Variants in SVOP observed in about 807,000 individuals in gnomAD.
The protein encoded by SVOP is synaptic vesicle 2-related protein.
In SVOP, 17 loss-of-function variants were observed where a neutral mutation model predicts 69.1. The ratio of observed to expected loss-of-function variants is 0.25; its 90% CI spans 0.17 to 0.37. SVOP has a LOEUF of 0.37. SVOP is among the 10% of genes least tolerant of loss of function. SVOP has a pLI of 1.00. For missense variants in SVOP, 435 were observed against 597.5 expected, an observed-to-expected ratio of 0.73 and a Z score of 2.84; for synonymous variants, 238 against 238.6, an observed-to-expected ratio of 1.00 and a Z score of 0.02.
intron 10 of SVOP, among the ~76,000 whole-genome samples, chr12:108,935,180 G>A (rs762747771): frequency 2.6e-5 from 4 of 152,150 alleles, no homozygotes; most frequent in South Asian, 2.1e-4. Flanking sequence ...GGTCAATTGC[G>A]TCAACTTGGA....
Position 109,020,214 on chromosome 12 carries a change from TTC to T in SVOP, c.35+618_35+619del, listed in dbSNP as rs1334150198. On this transcript the variant is annotated intron_variant, in intron 1 of 15. Transcript: ENST00000610966. Reference sequence around the variant, plus strand: ...TCCTCAAAGCAGTATATTCCTGATGTTCCGACAGTGAGTCTCACTCTAGCTAG... The same window carrying T: ...TCCTCAAAGCAGTATATTCCTGATGTCGACAGTGAGTCTCACTCTAGCTAG... Among the ~76,000 whole-genome samples the T allele has an allele frequency of 1.5e-3, 234 of 152,302 alleles. 1 individual carries two copies. Among genetic ancestry groups the T allele is most frequent in the African/African-American group, 5.3e-3 (222 of 41,576 alleles).
chr12:108,964,045 G>A (rs895198696), intron 5 of SVOP, among the ~76,000 whole-genome samples: 5 of 152,016 alleles, frequency 3.3e-5, no homozygotes, highest in Admixed American at 6.6e-5. Flanking sequence ...TTTTTAAAAA[G>A]CAATTTGATA....
chr12:108,974,314 T>A (rs182788634), intron 4 of SVOP, among the ~76,000 whole-genome samples: 1 of 152,220 alleles, frequency 6.6e-6, no homozygotes, highest in Non-Finnish European at 1.5e-5. Context: ...TTGCTTATGA[T>A]TAACAATTAT....
chr12:108,996,444 G>C (rs768286806), intron 1 of SVOP, among the ~76,000 whole-genome samples: 5 of 152,094 alleles, frequency 3.3e-5, no homozygotes, highest in Admixed American at 6.6e-5. Context: ...TGTAATCCCA[G>C]CTATTCAGGA....
intron 1 of SVOP, among the ~76,000 whole-genome samples, chr12:108,987,602 A>G (rs2040173010): frequency 6.6e-6 from 1 of 152,160 alleles, no homozygotes; most frequent in Admixed American, 6.5e-5. Flanking sequence ...CCTTGCCAAT[A>G]CTTGTTATTT....
intron 1 of SVOP, among the ~76,000 whole-genome samples, chr12:109,008,031 C>T (rs2040318772): frequency 8.5e-6 from 1 of 117,156 alleles, no homozygotes; most frequent in Non-Finnish European, 2.1e-5. Context: ...GAGTGAGACC[C>T]TGTCTCAAAA....
intron 14 of SVOP, among the ~76,000 whole-genome samples, chr12:108,917,026 C>T (rs547494452): frequency 6.6e-6 from 1 of 152,338 alleles, no homozygotes; most frequent in South Asian, 2.1e-4. Context: ...GGTTTACAGG[C>T]GTGAACCACT....
At chr12:108,965,551 C>T (rs1302551755) in intron 5 of SVOP, among the ~76,000 whole-genome samples, 2 of 152,252 alleles carry the variant, frequency 1.3e-5, no homozygotes, top group East Asian at 1.9e-4. Context: ...TTCCAAAAAA[C>T]ACATAACTTT....
rs950570762 is a variant in SVOP, at chr12:108,910,274, T to C, written c.*2261A>G. The C allele has an allele frequency of 6.6e-6, 1 of 152,148 alleles. No individual in the cohort carries two copies. The highest frequency in any genetic ancestry group is 1.5e-5 in the Non-Finnish European group (1 of 68,054). The allele number at this position is 152,148 out of a possible 1,614,324, so 9.4% of individuals were successfully genotyped here. A position where few individuals can be genotyped will look rare whatever the true frequency, so the allele number is the denominator to read the frequency against. ...ACCATACCCAGCAGGAGTTTTTAAC[T>C]TTCACTTTCTCAAGTAGAGAAGGCC... On this transcript the variant is annotated 3_prime_UTR_variant, in exon 16 of 16. Transcript: ENST00000610966.
At chr12:108,972,369 A>T in intron 5 of SVOP, 36 bp downstream of exon 5, 1 of 1,534,156 alleles carries the variant, frequency 6.5e-7, no homozygotes, top group Admixed American at 2.0e-5. Flanking sequence ...AAGACAACCC[A>T]GAGGACATGC....
chr12:108,935,127 C>T (rs571963525), intron 10 of SVOP, among the ~76,000 whole-genome samples: 2 of 152,304 alleles, frequency 1.3e-5, no homozygotes, highest in African/African-American at 2.4e-5. Context: ...ATGGGACCAA[C>T]CTCTGGAAGA....
At chr12:108,914,308 G>T (rs757053189) in intron 15 of SVOP, among the ~76,000 whole-genome samples, 2 of 152,184 alleles carry the variant, frequency 1.3e-5, no homozygotes, top group Non-Finnish European at 2.9e-5. Flanking sequence ...CTGTGAATGT[G>T]CTGAATGCCA....
rs749894454 is a variant in SVOP, at chr12:108,922,792, T to A, written c.1054A>T (p.Ser352Cys). ...FQAGDVCGIS[S>C]RKKAVEAKCS... ...TTTGCCTCTACAGCCTTCTTCCGACTGGAGACTGGGGTTGGGAGAGAGAAA... is the reference window on the plus strand; with the variant it reads ...TTTGCCTCTACAGCCTTCTTCCGACAGGAGACTGGGGTTGGGAGAGAGAAA... The change falls in exon 12 of 16, where the codon AGT becomes TGT. Residue 352 changes from serine (S) to cysteine (C), a missense_variant. Physicochemically the swap from Ser to Cys is moderately radical, Grantham distance 112. Transcript: ENST00000610966. 1 of 1,604,242 alleles carries A rather than the reference T, an allele frequency of 6.2e-7. No individual in the cohort carries two copies. Among genetic ancestry groups the A allele is most frequent in the Non-Finnish European group, 8.5e-7 (1 of 1,175,352 alleles).
rs150662263 is a variant in SVOP at position 108,973,198 on chromosome 12, C to G, written c.382-722G>C. 7.8e-3 allele frequency among the ~76,000 whole-genome samples: 1,189 copies of G among 152,250 alleles called. 17 individuals are homozygous for G. Among genetic ancestry groups the G allele is most frequent in the African/African-American group, 0.027 (1,113 of 41,546 alleles). ...ATCTTACTGCATCCTCACAGTAGCCCTACTTGGTGGGTGCTTATATTCTCC... is the reference window on the plus strand; with the variant it reads ...ATCTTACTGCATCCTCACAGTAGCCGTACTTGGTGGGTGCTTATATTCTCC... On this transcript the variant is annotated intron_variant, in intron 4 of 15. Transcript: ENST00000610966.
intron 11 of SVOP, among the ~76,000 whole-genome samples, chr12:108,928,143 G>A (rs946213861): frequency 3.4e-5 from 5 of 148,434 alleles, no homozygotes; most frequent in Non-Finnish European, 6.0e-5. Flanking sequence ...ACCTCAAGTG[G>A]TCCACCTGCC....
At chr12:108,995,164 A>C (rs1394052421) in intron 1 of SVOP, among the ~76,000 whole-genome samples, 4 of 152,130 alleles carry the variant, frequency 2.6e-5, no homozygotes, top group Non-Finnish European at 2.9e-5. Context: ...ATTAAAAATA[A>C]ATAAATAAAT....
chr12:108,972,580 T>C (rs1234936200), intron 4 of SVOP, 104 bp from the exon 5 acceptor site: 1 of 1,167,732 alleles, frequency 8.6e-7, no homozygotes, highest in Non-Finnish European at 1.2e-6. Flanking sequence ...GTAACAGCAA[T>C]GATCTAACAT....
rs1189506748 is a variant in SVOP, at chr12:109,021,040, C to T, written c.-172G>A. 2.0e-5 allele frequency: 11 copies of T among 544,752 alleles called. No individual in the cohort carries two copies. Among genetic ancestry groups the T allele is most frequent in the Non-Finnish European group, 2.9e-5 (9 of 305,138 alleles). 33.7% of individuals were successfully genotyped at this position (544,752 alleles called of 1,614,324 possible). On this transcript the variant is annotated 5_prime_UTR_variant, in exon 1 of 16. Coordinates refer to ENST00000610966, the MANE Select transcript of SVOP (RefSeq NM_018711.5). ...TGGGGACCAGCCCACGAGACAAAGC[C>T]TCCGCCGCCAGGAGACCGCGGCGAG... is the stretch of plus-strand genomic sequence containing the variant.
chr12:108,967,471 C>G (rs1453306842), intron 5 of SVOP, among the ~76,000 whole-genome samples: 1 of 151,080 alleles, frequency 6.6e-6, no homozygotes, highest in Non-Finnish European at 1.5e-5. Context: ...TGCACTCCAG[C>G]CTGGGTGACA....
Sources: allele counts gnomAD v4.1 joint callset (sites outside exome capture counted in the v4.1 genomes callset), GRCh38; gene constraint gnomAD v4.1.1; transcripts MANE v1.5; gene names NCBI Gene and HGNC (gene_info 2026-07-23, HGNC 2026-07-21).